Variants in LRMDA observed in about 807,000 individuals in gnomAD.
LRMDA encodes leucine-rich melanocyte differentiation-associated protein.
In LRMDA, 18 loss-of-function variants were observed where a neutral mutation model predicts 29.8. The observed-to-expected ratio is 0.60, with a 90% CI of 0.42 to 0.90. The LOEUF (loss-of-function observed/expected upper bound fraction) is 0.90. Ranked by LOEUF, LRMDA falls within the 40% of genes least tolerant of loss-of-function variation. The pLI is 0.00. For synonymous variants in LRMDA, 125 were observed against 109.4 expected (o/e 1.14, Z -0.89); for missense variants, 273 against 273.9 (o/e 1.00, Z 0.02).
chr10:76,010,640 A>T (rs542520761), intron 2 of LRMDA, among the ~76,000 whole-genome samples: 4 of 152,130 alleles, frequency 2.6e-5, no homozygotes, highest in Non-Finnish European at 4.4e-5. Context: ...AGTAGGCAAC[A>T]TCCATTCCAG....
chr10:75,650,129 G>T (rs1036807021), intron 2 of LRMDA, among the ~76,000 whole-genome samples: 3 of 152,180 alleles, frequency 2.0e-5, no homozygotes, highest in Non-Finnish European at 2.9e-5. Context: ...ATGAAGTCTA[G>T]TTTGTCTATT....
chr10:76,151,783 T>C (rs564682227), intron 5 of LRMDA, among the ~76,000 whole-genome samples: 1 of 152,234 alleles, frequency 6.6e-6, no homozygotes, highest in Non-Finnish European at 1.5e-5. Flanking sequence ...TTTGTTTATT[T>C]ACTAGTTTGC....
intron 2 of LRMDA, among the ~76,000 whole-genome samples, chr10:75,842,401 C>G (rs1347264165): frequency 6.6e-6 from 1 of 152,068 alleles, no homozygotes; most frequent in African/African-American, 2.4e-5. Flanking sequence ...ACCACTTGGC[C>G]TAGAAAGCCT....
At chr10:75,587,109 C>T (rs1262639778) in intron 2 of LRMDA, among the ~76,000 whole-genome samples, 1 of 152,208 alleles carries the variant, frequency 6.6e-6, no homozygotes, top group Admixed American at 6.5e-5. Context: ...ACAGTCTTGG[C>T]TCTTACATTT....
At chr10:76,378,848 C>CT (rs1369705914) in intron 6 of LRMDA, among the ~76,000 whole-genome samples, 31 of 57,702 alleles carry the variant, frequency 5.4e-4, no homozygotes, top group Non-Finnish European at 6.7e-4. Flanking sequence ...CTCTCTTTTT[C>CT]TTTTTTTTTC....
chr10:76,273,849 G>C (rs578049439), intron 5 of LRMDA, among the ~76,000 whole-genome samples: 2 of 152,276 alleles, frequency 1.3e-5, no homozygotes, highest in East Asian at 3.9e-4. Context: ...GATCCATGTA[G>C]AGTTCATACC....
At chr10:75,791,966 T>G (rs1843573699) in intron 2 of LRMDA, among the ~76,000 whole-genome samples, 2 of 150,460 alleles carry the variant, frequency 1.3e-5, no homozygotes, top group Non-Finnish European at 3.0e-5. Flanking sequence ...TTCACGCCAT[T>G]CTCCTGCCTC....
intron 6 of LRMDA, among the ~76,000 whole-genome samples, chr10:76,391,336 C>T (rs776679234): frequency 3.9e-5 from 6 of 152,170 alleles, no homozygotes; most frequent in Non-Finnish European, 7.3e-5. Flanking sequence ...AGATAGCCTA[C>T]AATGTTACCA....
At chr10:76,261,066 T>TTTTC (rs1839936095) in intron 5 of LRMDA, among the ~76,000 whole-genome samples, 3 of 140,842 alleles carry the variant, frequency 2.1e-5, no homozygotes, top group East Asian at 4.2e-4. Context: ...TTTCTTTTCT[T>TTTTC]TTTTTTTTTT....
In LRMDA at chr10:75,841,335, T is replaced by C. The variant is rs144357320; in HGVS notation, c.132-194673T>C. Among the ~76,000 whole-genome samples, 391 of 152,330 alleles carry C rather than the reference T, an allele frequency of 2.6e-3. 2 individuals carry two copies. Among genetic ancestry groups the C allele is most frequent in the Non-Finnish European group, 4.2e-3 (289 of 68,030 alleles). ...TATGGTTTATTATCGAACTTAAATA[T>C]ACCTGCAGTTAGGAATGCTATGTTT... On this transcript the variant is annotated intron_variant, in intron 2 of 6. Coordinates refer to ENST00000611255, the MANE Select transcript of LRMDA (RefSeq NM_001305581.2).
chr10:76,465,734 A>G (rs1842558253), intron 6 of LRMDA, among the ~76,000 whole-genome samples: 1 of 152,110 alleles, frequency 6.6e-6, no homozygotes, highest in Non-Finnish European at 1.5e-5. Context: ...ATTTTCTCCC[A>G]GTTCGGGAGG....
chr10:76,158,368 G>T (rs918613926), intron 5 of LRMDA, among the ~76,000 whole-genome samples: 1 of 152,060 alleles, frequency 6.6e-6, no homozygotes, highest in African/African-American at 2.4e-5. Context: ...ACTAATGGCA[G>T]GTGTAGACTT....
chr10:75,618,412 CTA>C (rs577989190), intron 2 of LRMDA, among the ~76,000 whole-genome samples: 2 of 141,286 alleles, frequency 1.4e-5, no homozygotes, highest in South Asian at 4.4e-4. Flanking sequence ...ATATATCAGA[CTA>C]TATATATATC....
At chr10:76,113,385 C>G (rs909026110) in intron 5 of LRMDA, among the ~76,000 whole-genome samples, 27 of 150,698 alleles carry the variant, frequency 1.8e-4, no homozygotes, top group Non-Finnish European at 5.9e-5. Flanking sequence ...TTTTTTTTTC[C>G]ACTGGGCTTG....
chr10:76,415,054 C>T (rs563364194), intron 6 of LRMDA, among the ~76,000 whole-genome samples: 3 of 152,254 alleles, frequency 2.0e-5, no homozygotes, highest in African/African-American at 7.2e-5. Context: ...CCAGGCCCTT[C>T]CCTCTTGGGA....
intron 2 of LRMDA, among the ~76,000 whole-genome samples, chr10:75,510,016 TGCCTG>T (rs1379441596): frequency 6.6e-6 from 1 of 152,238 alleles, no homozygotes; most frequent in African/African-American, 2.4e-5. Context: ...GAAACAAAAA[TGCCTG>T]GCAGAGTACC....
intron 5 of LRMDA, among the ~76,000 whole-genome samples, chr10:76,323,723 T>C (rs1279393713): frequency 1.3e-5 from 2 of 152,210 alleles, no homozygotes; most frequent in African/African-American, 4.8e-5. Flanking sequence ...AGTTCTATGG[T>C]TAAAGAGTTG....
chr10:76,250,881 A>C (rs1340998606), intron 5 of LRMDA, among the ~76,000 whole-genome samples: 2 of 152,116 alleles, frequency 1.3e-5, no homozygotes. Context: ...TATCAATCAG[A>C]GGGGTATTGG....
chr10:76,393,418 G>A (rs979001591), intron 6 of LRMDA, among the ~76,000 whole-genome samples: 3 of 151,952 alleles, frequency 2.0e-5, no homozygotes, highest in African/African-American at 7.2e-5. Flanking sequence ...GATGATTAAT[G>A]GTGTTAAACA....
Sources: gnomAD v4.1 joint callset for allele counts (sites outside exome capture counted in the v4.1 genomes callset) on GRCh38, gnomAD v4.1.1 for gene constraint, MANE v1.5 for transcripts, NCBI Gene and HGNC (gene_info 2026-07-23, HGNC 2026-07-21) for gene names.